SGMS1: variants seen among roughly 807,000 people sequenced by gnomAD.
SGMS1 encodes the protein sphingomyelin synthase 1.
A neutral mutation model predicts 46.2 loss-of-function variants in SGMS1; 13 were observed. The ratio of observed to expected loss-of-function variants is 0.28; its 90% CI spans 0.18 to 0.45. The LOEUF is 0.45. Ranked by LOEUF, SGMS1 falls within the 20% of genes least tolerant of loss-of-function variation. The probability of loss-of-function intolerance (pLI) is 1.00; values close to 1 mark genes in which losing one functional copy is unlikely to be tolerated. For synonymous variants in SGMS1, 203 were observed against 187.8 expected, an observed-to-expected ratio of 1.08 and a Z score of -0.66; for missense variants, 324 against 519.9, an observed-to-expected ratio of 0.62 and a Z score of 3.66.
At chr10:50,554,924 T>G (rs1204723560) in intron 2 of SGMS1, among the ~76,000 whole-genome samples, 3 of 152,202 alleles carry the variant, frequency 2.0e-5, no homozygotes, top group Admixed American at 2.0e-4. Context: ...CAAAAGCAGT[T>G]AGAGCACAGA....
At chr10:50,608,650 A>T (rs922155899) in intron 1 of SGMS1, among the ~76,000 whole-genome samples, 4 of 152,222 alleles carry the variant, frequency 2.6e-5, no homozygotes, top group Non-Finnish European at 5.9e-5. Context: ...AAAGCTTTTT[A>T]AAAAATCAGT....
chr10:50,421,542 C>T, intron 6 of SGMS1, among the ~76,000 whole-genome samples: 1 of 152,178 alleles, frequency 6.6e-6, no homozygotes, highest in East Asian at 1.9e-4. Context: ...ACCGTTCAGA[C>T]ATTTGCTTGC....
chr10:50,503,286 T>C (rs1837677042), intron 3 of SGMS1, among the ~76,000 whole-genome samples: 1 of 152,214 alleles, frequency 6.6e-6, no homozygotes, highest in African/African-American at 2.4e-5. Context: ...AAGAGCTGAT[T>C]AGGAACACGC....
intron 2 of SGMS1, among the ~76,000 whole-genome samples, chr10:50,520,560 C>T (rs74132747): frequency 0.034 from 5,198 of 152,254 alleles, 293 homozygotes; most frequent in African/African-American, 0.12. Context: ...AACTTTCCCC[C>T]AATCACTCAG....
intron 3 of SGMS1, among the ~76,000 whole-genome samples, chr10:50,501,242 C>T (rs1837658953): frequency 6.6e-6 from 1 of 152,152 alleles, no homozygotes; most frequent in African/African-American, 2.4e-5. Context: ...AGCACACCAG[C>T]ATCTCCCTTG....
intron 6 of SGMS1, among the ~76,000 whole-genome samples, chr10:50,349,363 A>G (rs1358284549): frequency 1.3e-5 from 2 of 152,222 alleles, no homozygotes; most frequent in African/African-American, 4.8e-5. Context: ...GTGGTACACA[A>G]TACAATTTAA....
chr10:50,315,032 T>C (rs1055700958), intron 8 of SGMS1, among the ~76,000 whole-genome samples: 1 of 152,208 alleles, frequency 6.6e-6, no homozygotes, highest in Non-Finnish European at 1.5e-5. Flanking sequence ...CTGCTGTAAA[T>C]GCATTCTCAG....
At chr10:50,339,292 G>C (rs561892983) in intron 7 of SGMS1, among the ~76,000 whole-genome samples, 2 of 152,284 alleles carry the variant, frequency 1.3e-5, no homozygotes, top group South Asian at 2.1e-4. Flanking sequence ...ATGGACCCTT[G>C]ACCGTTCCTC....
At chr10:50,355,959 G>A (rs1030507600) in intron 6 of SGMS1, among the ~76,000 whole-genome samples, 2 of 151,460 alleles carry the variant, frequency 1.3e-5, no homozygotes, top group African/African-American at 2.4e-5. Flanking sequence ...ATCTCTGACC[G>A]GCCGCCCCGT....
intron 1 of SGMS1, among the ~76,000 whole-genome samples, chr10:50,599,006 T>C (rs879391635): frequency 6.6e-6 from 1 of 152,118 alleles, no homozygotes; most frequent in African/African-American, 2.4e-5. Context: ...GTGATGAAAG[T>C]AGCCAATAGC....
rs964777832 is a variant in SGMS1, at chr10:50,345,234, G to A, written c.-231-889C>T. Among the ~76,000 whole-genome samples the A allele has an allele frequency of 6.6e-5, 10 of 151,982 alleles. No individual in the cohort carries two copies. In the East Asian group the frequency reaches 1.9e-3, roughly 29 times the overall value. On this transcript the variant is annotated intron_variant, in intron 6 of 10. Transcript: ENST00000361781. ...GGTTGAAGCCCATGTGAAGGGCCAA[G>A]GTCCTGACTGCTCTGTTGATCTTTC...
At chr10:50,417,570 G>T (rs1358491084) in intron 6 of SGMS1, among the ~76,000 whole-genome samples, 1 of 152,160 alleles carries the variant, frequency 6.6e-6, no homozygotes, top group Admixed American at 6.5e-5. Context: ...ACAGGGGCAC[G>T]TGCATCCTTG....
chr10:50,369,904 C>T (rs987667783), intron 6 of SGMS1, among the ~76,000 whole-genome samples: 2 of 152,184 alleles, frequency 1.3e-5, no homozygotes, highest in Non-Finnish European at 2.9e-5. Context: ...CATACCTAGG[C>T]TGTATGGTAT....
intron 6 of SGMS1, among the ~76,000 whole-genome samples, chr10:50,366,209 C>G (rs1006509885): frequency 6.6e-6 from 1 of 151,970 alleles, no homozygotes. Flanking sequence ...CCAGAATCTA[C>G]AAGGAACTTA....
chr10:50,337,506 C>A (rs764773901), intron 7 of SGMS1, among the ~76,000 whole-genome samples: 2 of 152,042 alleles, frequency 1.3e-5, no homozygotes, highest in Non-Finnish European at 2.9e-5. Context: ...TAATCACAAC[C>A]ATCGAAGACA....
intron 1 of SGMS1, among the ~76,000 whole-genome samples, chr10:50,618,216 C>G (rs1170869845): frequency 6.6e-6 from 1 of 152,006 alleles, no homozygotes; most frequent in African/African-American, 2.4e-5. Context: ...TGAAGATGAA[C>G]TTCAAATAGA....
intron 6 of SGMS1, among the ~76,000 whole-genome samples, chr10:50,381,617 A>G (rs1367683655): frequency 6.6e-6 from 1 of 152,188 alleles, no homozygotes; most frequent in African/African-American, 2.4e-5. Context: ...ATGATTCTAC[A>G]ACAATATGAA....
At chr10:50,610,119 C>T (rs1384422471) in intron 1 of SGMS1, among the ~76,000 whole-genome samples, 1 of 152,178 alleles carries the variant, frequency 6.6e-6, no homozygotes, top group Non-Finnish European at 1.5e-5. Context: ...AAATGGTCTT[C>T]CAGTGATGCC....
At chr10:50,576,399 G>C (rs1225572262) in intron 2 of SGMS1, among the ~76,000 whole-genome samples, 4 of 152,136 alleles carry the variant, frequency 2.6e-5, no homozygotes, top group Non-Finnish European at 5.9e-5. Flanking sequence ...AGTCACCCTT[G>C]TCCCCACTTT....
Sources: gnomAD v4.1 joint callset for allele counts (sites outside exome capture counted in the v4.1 genomes callset) on GRCh38, gnomAD v4.1.1 for gene constraint, MANE v1.5 for transcripts, NCBI Gene and HGNC (gene_info 2026-07-23, HGNC 2026-07-21) for gene names.